KCNJ3: variants seen among roughly 807,000 people sequenced by gnomAD.
KCNJ3 encodes G protein-activated inward rectifier potassium channel 1.
In KCNJ3, 4 loss-of-function variants were observed where a neutral mutation model predicts 39.2. That is an observed-to-expected ratio of 0.10 (90% CI 0.05 to 0.23). KCNJ3 has a LOEUF of 0.23. Ranked by LOEUF, KCNJ3 falls within the 10% of genes least tolerant of loss-of-function variation. KCNJ3 has a pLI of 1.00. For missense variants in KCNJ3, 276 were observed against 634.9 expected, an observed-to-expected ratio of 0.43 and a Z score of 6.08; for synonymous variants, 230 against 237.4, an observed-to-expected ratio of 0.97 and a Z score of 0.29.
chr2:154,731,148 C>T (rs1484345384), intron 2 of KCNJ3, among the ~76,000 whole-genome samples: 4 of 151,956 alleles, frequency 2.6e-5, no homozygotes, highest in Admixed American at 2.0e-4. Flanking sequence ...GAATTTTAGC[C>T]AGCACCAAGA....
At chr2:154,819,583 T>A (rs1687135904) in intron 2 of KCNJ3, among the ~76,000 whole-genome samples, 1 of 152,050 alleles carries the variant, frequency 6.6e-6, no homozygotes, top group Non-Finnish European at 1.5e-5. Flanking sequence ...CAGGCTGGAG[T>A]GCAGTGGCAT....
chr2:154,722,892 T>A (rs1050496867), intron 2 of KCNJ3, among the ~76,000 whole-genome samples: 14 of 152,192 alleles, frequency 9.2e-5, no homozygotes, highest in Admixed American at 6.5e-5. Context: ...TCAAAGTATG[T>A]AACATTTAAT....
chr2:154,774,777 A>G (rs1239218167), intron 2 of KCNJ3, among the ~76,000 whole-genome samples: 1 of 152,224 alleles, frequency 6.6e-6, no homozygotes, highest in African/African-American at 2.4e-5. Context: ...TTACATTTTT[A>G]AAGCTTTTAT....
At chr2:154,800,025 T>A (rs764671325) in intron 2 of KCNJ3, among the ~76,000 whole-genome samples, 14 of 152,096 alleles carry the variant, frequency 9.2e-5, no homozygotes, top group Non-Finnish European at 1.9e-4. Context: ...AAGATGACAT[T>A]TGTACCAAGT....
At chr2:154,798,670 T>C (rs1686760776) in intron 2 of KCNJ3, among the ~76,000 whole-genome samples, 1 of 152,222 alleles carries the variant, frequency 6.6e-6, no homozygotes. Context: ...TGCAACTTCA[T>C]TTAATATTTT....
chr2:154,760,857 C>T (rs1686028100), intron 2 of KCNJ3, among the ~76,000 whole-genome samples: 1 of 150,670 alleles, frequency 6.6e-6, no homozygotes, highest in South Asian at 2.1e-4. Context: ...CTGCCTCAGC[C>T]TCCCGAGTAG....
intron 2 of KCNJ3, among the ~76,000 whole-genome samples, chr2:154,809,593 C>T (rs1310656433): frequency 6.6e-6 from 1 of 152,132 alleles, no homozygotes; most frequent in African/African-American, 2.4e-5. Flanking sequence ...CACAGAAAGC[C>T]TTGGCTTGAG....
chr2:154,826,772 CAG>C (rs1687280029), intron 2 of KCNJ3, among the ~76,000 whole-genome samples: 1 of 152,118 alleles, frequency 6.6e-6, no homozygotes, highest in Admixed American at 6.6e-5. Context: ...ATGTTTAGAT[CAG>C]ACATTTTATT....
chr2:154,846,310 A>AATG (rs1687662465), intron 2 of KCNJ3, among the ~76,000 whole-genome samples: 1 of 152,210 alleles, frequency 6.6e-6, no homozygotes, highest in African/African-American at 2.4e-5. Context: ...TGAGAAATTA[A>AATG]ATGATCACTA....
chr2:154,738,649 G>A (rs1378627894), intron 2 of KCNJ3, among the ~76,000 whole-genome samples: 4 of 152,044 alleles, frequency 2.6e-5, no homozygotes, highest in African/African-American at 7.2e-5. Context: ...AAAAAGACAC[G>A]TAAGTATAGA....
chr2:154,738,711 TG>T (rs902417108), intron 2 of KCNJ3, among the ~76,000 whole-genome samples: 22 of 151,792 alleles, frequency 1.4e-4, no homozygotes, highest in African/African-American at 5.3e-4. Flanking sequence ...CAGAAGACGG[TG>T]GAAAAATATC....
chr2:154,844,601 G>A (rs950005600), intron 2 of KCNJ3, among the ~76,000 whole-genome samples: 1 of 152,150 alleles, frequency 6.6e-6, no homozygotes, highest in Non-Finnish European at 1.5e-5. Flanking sequence ...GGTGGGCTCC[G>A]CCCAGTTCAA....
At chr2:154,721,007 G>GT (rs145695011) in intron 2 of KCNJ3, among the ~76,000 whole-genome samples, 6,306 of 148,154 alleles carry the variant, frequency 0.043, 165 homozygotes, top group African/African-American at 0.066. Flanking sequence ...GTGTTATCTA[G>GT]TTTTTTTTTT....
At chr2:154,735,961 A>G (rs1685522602) in intron 2 of KCNJ3, among the ~76,000 whole-genome samples, 1 of 152,142 alleles carries the variant, frequency 6.6e-6, no homozygotes, top group Non-Finnish European at 1.5e-5. Flanking sequence ...TATTTGATAC[A>G]TTAAAATCTG....
intron 2 of KCNJ3, among the ~76,000 whole-genome samples, chr2:154,808,144 A>G (rs62170823): frequency 0.29 from 43,728 of 150,394 alleles, 6,934 homozygotes; most frequent in Non-Finnish European, 0.35. Context: ...GCAGTGGAAC[A>G]ATCTCGGTTT....
chr2:154,803,489 T>C (rs1330269727), intron 2 of KCNJ3, among the ~76,000 whole-genome samples: 1 of 151,734 alleles, frequency 6.6e-6, no homozygotes, highest in Non-Finnish European at 1.5e-5. Flanking sequence ...ATTTATAAAA[T>C]ATTTAGTGGC....
intron 2 of KCNJ3, among the ~76,000 whole-genome samples, chr2:154,716,489 T>C (rs1272386594): frequency 6.6e-6 from 1 of 152,046 alleles, no homozygotes; most frequent in South Asian, 2.1e-4. Flanking sequence ...CTCTATTGGC[T>C]ACGAATTTTA....
At chr2:154,765,477 C>A (rs760077916) in intron 2 of KCNJ3, among the ~76,000 whole-genome samples, 2 of 152,182 alleles carry the variant, frequency 1.3e-5, no homozygotes, top group African/African-American at 2.4e-5. Context: ...TGGTTCCCTA[C>A]TGTATTTCTA....
chr2:154,734,413 G>A (rs1244277192), intron 2 of KCNJ3, among the ~76,000 whole-genome samples: 1 of 152,186 alleles, frequency 6.6e-6, no homozygotes, highest in East Asian at 1.9e-4. Context: ...GAAGTCATTA[G>A]AAATACCGCT....
Sources: gnomAD v4.1 joint callset for allele counts (sites outside exome capture counted in the v4.1 genomes callset) on GRCh38, gnomAD v4.1.1 for gene constraint, MANE v1.5 for transcripts, NCBI Gene and HGNC (gene_info 2026-07-23, HGNC 2026-07-21) for gene names.